EIF4EBP2: variants seen among roughly 807,000 people sequenced by gnomAD.
The protein encoded by EIF4EBP2 is eukaryotic translation initiation factor 4E-binding protein 2.
In EIF4EBP2, 5 loss-of-function variants were observed where a neutral mutation model predicts 10.3. That is an observed-to-expected ratio of 0.48 (90% CI 0.25 to 1.02). The LOEUF (loss-of-function observed/expected upper bound fraction) is 1.02, where lower values mean the gene tolerates loss of function less well. Among genes scored for constraint, EIF4EBP2 ranks in the 50% least tolerant of loss-of-function variants. The pLI is 0.15. For missense variants in EIF4EBP2, 188 were observed against 162.2 expected (o/e 1.16, Z -0.86); for synonymous variants, 67 against 61.1 (o/e 1.10, Z -0.45).
In EIF4EBP2 at chr10:70,422,278, A is replaced by G. The variant is rs188646299; in HGVS notation, c.*531A>G. 531 of 152,936 alleles carry G rather than the reference A, an allele frequency of 3.5e-3. 1 individual carries two copies. The highest frequency in any genetic ancestry group is 5.5e-3 in the Non-Finnish European group (375 of 68,484). 9.5% of individuals were successfully genotyped at this position (152,936 alleles called of 1,614,324 possible). On this transcript the variant is annotated 3_prime_UTR_variant, in exon 3 of 3. Transcript: ENST00000373218. ...TAAAACCAGCAGGGGGAAATGATAA[A>G]AAGAGAGCTGCTTTCCCTTTTACCT...
At chr10:70,414,590 C>T (rs185255942) in intron 1 of EIF4EBP2, among the ~76,000 whole-genome samples, 2 of 152,234 alleles carry the variant, frequency 1.3e-5, no homozygotes, top group Admixed American at 6.5e-5. Context: ...GTTTTTGGCC[C>T]AGCACAGTGG....
intron 1 of EIF4EBP2, among the ~76,000 whole-genome samples, chr10:70,405,923 A>C (rs1844960490): frequency 6.6e-6 from 1 of 152,102 alleles, no homozygotes; most frequent in South Asian, 2.1e-4. Flanking sequence ...AGAATAGTGG[A>C]GTTCTTAGGT....
At chr10:70,406,388 A>C (rs1844964713) in intron 1 of EIF4EBP2, among the ~76,000 whole-genome samples, 1 of 152,190 alleles carries the variant, frequency 6.6e-6, no homozygotes, top group Admixed American at 6.5e-5. Context: ...TTCCGAGGTG[A>C]TGGAAAGGGA....
At chr10:70,415,539 T>C (rs942840715) in intron 1 of EIF4EBP2, among the ~76,000 whole-genome samples, 5 of 152,208 alleles carry the variant, frequency 3.3e-5, no homozygotes, top group Non-Finnish European at 5.9e-5. Context: ...CAAAACTTAT[T>C]ACAAGTCAAG....
Position 70,426,173 on chromosome 10 carries a change from TGG to T in EIF4EBP2, c.*4427_*4428del, listed in dbSNP as rs1845204565. The T allele has an allele frequency of 6.6e-6, 1 of 152,256 alleles. No homozygotes were observed. The highest frequency in any genetic ancestry group is 1.9e-4 in the East Asian group (1 of 5,204). 9.4% of individuals were successfully genotyped at this position (152,256 alleles called of 1,614,324 possible). On this transcript the variant is annotated 3_prime_UTR_variant, in exon 3 of 3. Transcript: ENST00000373218. ...TTTCAGTTTAAGACATTCTAGTGAA[TGG>T]CTGCTATGTGTTTCTGGCACTCATT...
chr10:70,412,401 G>A (rs987931836), intron 1 of EIF4EBP2, among the ~76,000 whole-genome samples: 3 of 151,146 alleles, frequency 2.0e-5, no homozygotes, highest in Non-Finnish European at 4.4e-5. Context: ...CCGGGGGGTG[G>A]GGGTGGGGGC....
chr10:70,421,729 G>T lies in EIF4EBP2; in HGVS notation c.345G>T (p.Gln115His), dbSNP rs1472429505. 1.9e-6 allele frequency: 3 copies of T among 1,613,480 alleles called. No homozygotes were observed. Among genetic ancestry groups the T allele is most frequent in the African/African-American group, 1.3e-5 (1 of 75,036 alleles). The change falls in exon 3 of 3, where the codon CAG becomes CAT. Residue 115 changes from glutamine to histidine, a missense_variant. Physicochemically the swap from Gln to His is conservative, Grantham distance 24. Coordinates refer to ENST00000373218, the MANE Select transcript of EIF4EBP2 (RefSeq NM_004096.5). The part of the protein sequence containing the change: ...DRKHAVGDDA[Q>H]FEMDI ...GGTCCTAACTAGGGGATGATGCTCA[G>T]TTCGAGATGGACATCTGACTCTCCT...
chr10:70,418,878 C>G, intron 1 of EIF4EBP2, among the ~76,000 whole-genome samples: 1 of 152,164 alleles, frequency 6.6e-6, no homozygotes, highest in Non-Finnish European at 1.5e-5. Flanking sequence ...TGCAGTGGTG[C>G]AGTCATAGCT....
intron 2 of EIF4EBP2, 110 bp from the exon 3 acceptor site, chr10:70,421,606 G>A: frequency 2.0e-6 from 2 of 977,370 alleles, no homozygotes; most frequent in Non-Finnish European, 1.6e-6. Context: ...GCAGCAGAGA[G>A]TGGGACAATT....
intron 2 of EIF4EBP2, among the ~76,000 whole-genome samples, chr10:70,421,496 G>C (rs1311710371): frequency 6.6e-6 from 1 of 152,162 alleles, no homozygotes; most frequent in African/African-American, 2.4e-5. Flanking sequence ...GTTTTCACTT[G>C]TGTCCTTTTC....
In EIF4EBP2 at chr10:70,419,960, TTC is replaced by T. The variant is rs1361741511; in HGVS notation, c.195_196del (p.Pro66HisfsTer17). 2 of 1,599,856 alleles carry T rather than the reference TTC, an allele frequency of 1.3e-6. No homozygotes were observed. The highest frequency in any genetic ancestry group is 1.7e-6 in the Non-Finnish European group (2 of 1,176,010). On this transcript the variant is annotated frameshift_variant, in exon 2 of 3. Transcript: ENST00000373218. LOFTEE classifies it high-confidence loss of function. The stretch of plus-strand genomic sequence containing the variant: ...GAAAGTTTCTGTTGGATCGTCGCAA[TTC>T]TCCCATGGCTCAGACCCCACCCTGC... ...DRKFLLDRRN[S>X]PMAQTPPCHL...
At chr10:70,414,826 C>T (rs1845076985) in intron 1 of EIF4EBP2, among the ~76,000 whole-genome samples, 1 of 152,080 alleles carries the variant, frequency 6.6e-6, no homozygotes, top group Non-Finnish European at 1.5e-5. Context: ...TGAGATCACA[C>T]CCTGCACTCC....
intron 1 of EIF4EBP2, among the ~76,000 whole-genome samples, chr10:70,413,491 C>G (rs994673947): frequency 4.0e-5 from 6 of 151,386 alleles, no homozygotes; most frequent in Admixed American, 6.6e-5. Flanking sequence ...GACTGTAGTC[C>G]CAGCTACTTG....
intron 1 of EIF4EBP2, among the ~76,000 whole-genome samples, chr10:70,409,545 T>C (rs1325942601): frequency 6.6e-6 from 1 of 152,212 alleles, no homozygotes; most frequent in Non-Finnish European, 1.5e-5. Flanking sequence ...CCCTCAAATT[T>C]AGTATCCTGA....
chr10:70,418,541 A>G (rs1345108271), intron 1 of EIF4EBP2, among the ~76,000 whole-genome samples: 5 of 152,194 alleles, frequency 3.3e-5, no homozygotes, highest in Non-Finnish European at 5.9e-5. Flanking sequence ...AGGTCACAAC[A>G]TAGTATAATA....
intron 1 of EIF4EBP2, among the ~76,000 whole-genome samples, chr10:70,417,036 T>C (rs1175264133): frequency 6.6e-6 from 1 of 152,210 alleles, no homozygotes; most frequent in South Asian, 2.1e-4. Context: ...GTGAATGTTA[T>C]TCATAATAGA....
intron 1 of EIF4EBP2, among the ~76,000 whole-genome samples, chr10:70,408,285 G>A (rs1845005371): frequency 6.6e-6 from 1 of 151,122 alleles, no homozygotes; most frequent in South Asian, 2.1e-4. Context: ...GGGCGGCCGG[G>A]CAGAGGCGCC....
rs879002456 is a variant in EIF4EBP2 at position 70,427,959 on chromosome 10, CTTTTTTTTTTTT to C, written c.*6221_*6232del. 7.7e-6 allele frequency: 1 copy of C among 130,498 alleles called. No homozygotes were observed. Among genetic ancestry groups the C allele is most frequent in the African/African-American group, 2.8e-5 (1 of 35,598 alleles). 8.1% of individuals were successfully genotyped at this position (130,498 alleles called of 1,614,324 possible). ...GTATCCCCTTTCTCTCCAGCTTAAT[CTTTTTTTTTTTT>C]TTTTTTTTAAAGCCCAGGCCAAGGG... On this transcript the variant is annotated 3_prime_UTR_variant, in exon 3 of 3. Coordinates refer to ENST00000373218, the MANE Select transcript of EIF4EBP2 (RefSeq NM_004096.5).
chr10:70,404,486 C>A lies in EIF4EBP2; in HGVS notation c.85C>A (p.Gln29Lys). 6.2e-7 allele frequency: 1 copy of A among 1,600,102 alleles called. No homozygotes were observed. The highest frequency in any genetic ancestry group is 1.1e-5 in the South Asian group (1 of 90,010). The change falls in exon 1 of 3, where the codon CAG becomes AAG. Residue 29 changes from glutamine to lysine, a missense_variant. By Grantham distance (53) the Gln-to-Lys change is moderately conservative. Coordinates refer to ENST00000373218, the MANE Select transcript of EIF4EBP2 (RefSeq NM_004096.5). ...CACCGTGGCCATCAGCGACGCCGCG[C>A]AGCTACCTCATGACTATTGCACCAC... Reference protein sequence around the residue: ...TRTVAISDAAQLPHDYCTTPG... With the variant: ...TRTVAISDAAKLPHDYCTTPG...
Sources: allele counts gnomAD v4.1 joint callset (sites outside exome capture counted in the v4.1 genomes callset), GRCh38; gene constraint gnomAD v4.1.1; transcripts MANE v1.5; gene names NCBI Gene and HGNC (gene_info 2026-07-23, HGNC 2026-07-21).